Variants in BTD observed in about 807,000 individuals in gnomAD.
The protein encoded by BTD is biotinidase.
BTD carries 13 observed loss-of-function variants against 17.7 expected under a neutral mutation model. The ratio of observed to expected loss-of-function variants is 0.74; its 90% confidence interval spans 0.48 to 1.17. The LOEUF (loss-of-function observed/expected upper bound fraction) is 1.17. Among genes scored for constraint, BTD ranks in the 50% most tolerant of loss-of-function variants. The probability of loss-of-function intolerance (pLI) is 0.00; values close to 1 mark genes in which losing one functional copy is unlikely to be tolerated. For synonymous variants in BTD, 240 were observed against 245.2 expected (o/e 0.98, Z 0.20); for missense variants, 674 against 650.4 (o/e 1.04, Z -0.39).
intron 1 of BTD, among the ~76,000 whole-genome samples, chr3:15,619,380 G>A (rs1346775101): frequency 6.6e-6 from 1 of 152,096 alleles, no homozygotes; most frequent in African/African-American, 2.4e-5. Context: ...GAGTGCAGTG[G>A]TACAAACACA....
At chr3:15,686,227 A>G in intron 3 of BTD, 1 of 1,591,416 alleles carries the variant, frequency 6.3e-7, no homozygotes, top group Non-Finnish European at 8.6e-7. Context: ...CTTACTGTCC[A>G]TTTCCATCTT....
At chr3:15,636,880 C>CA (rs2065363974) in intron 2 of BTD, among the ~76,000 whole-genome samples, 1 of 238 alleles carries the variant, frequency 4.2e-3, no homozygotes, top group East Asian at 0.083. Context: ...TCAACCAAGA[C>CA]AACTTTTGCA....
At chr3:15,661,290 A>G (rs1358470361) in intron 3 of BTD, among the ~76,000 whole-genome samples, 24 of 119,578 alleles carry the variant, frequency 2.0e-4, no homozygotes, top group African/African-American at 6.9e-4. Flanking sequence ...AAAAAAAAAA[A>G]AAAGAAAAAG....
chr3:15,603,336 C>G (rs2064336435), intron 1 of BTD, among the ~76,000 whole-genome samples: 1 of 152,180 alleles, frequency 6.6e-6, no homozygotes, highest in South Asian at 2.1e-4. Context: ...AAGGCAAGTC[C>G]CTTCCGCCTA....
At chr3:15,721,716 A>C (rs1278147459) in intron 4 of BTD, among the ~76,000 whole-genome samples, 1 of 152,214 alleles carries the variant, frequency 6.6e-6, no homozygotes, top group East Asian at 1.9e-4. Flanking sequence ...TATGCTCAAA[A>C]ATGAGAAACA....
intron 3 of BTD, chr3:15,677,346 T>C (rs1173998894): frequency 4.5e-6 from 3 of 667,178 alleles, no homozygotes; most frequent in African/African-American, 3.6e-5. Context: ...TAAGTCAATT[T>C]TGTTCAAGAA....
chr3:15,622,861 A>G (rs529799431), intron 1 of BTD, among the ~76,000 whole-genome samples: 83 of 152,314 alleles, frequency 5.4e-4, no homozygotes, highest in African/African-American at 1.9e-3. Flanking sequence ...AAATTTATGT[A>G]GCTATTCTTG....
chr3:15,685,662 G>T (rs2068025515), intron 3 of BTD, among the ~76,000 whole-genome samples: 1 of 152,048 alleles, frequency 6.6e-6, no homozygotes, highest in South Asian at 2.1e-4. Flanking sequence ...ATGAAAACAG[G>T]AAGAGAGAAA....
chr3:15,641,240 T>G (rs1431724774), intron 2 of BTD, among the ~76,000 whole-genome samples: 1 of 152,154 alleles, frequency 6.6e-6, no homozygotes, highest in African/African-American at 2.4e-5. Context: ...AATTCCCAGT[T>G]GGGGAATGGA....
At chr3:15,643,974 ATTTATTTATTT>A (rs1559598615) in intron 3 of BTD, among the ~76,000 whole-genome samples, 29 of 17,508 alleles carry the variant, frequency 1.7e-3, no homozygotes, top group East Asian at 0.013. Context: ...TATTTAATTT[ATTTATTTATTT>A]ATTTATTTAT....
chr3:15,685,989 T>C (rs199522880), intron 3 of BTD: 31 of 1,605,730 alleles, frequency 1.9e-5, no homozygotes, highest in Non-Finnish European at 2.5e-5. Context: ...GGAAAGAGCA[T>C]ATTTCTGCTT....
At chr3:15,713,411 A>T (rs537226074), downstream of BTD, 1 of 750,794 alleles carries the variant, frequency 1.3e-6, no homozygotes, top group African/African-American at 1.8e-5. Flanking sequence ...AGTTCAAGCA[A>T]TTAATACAAC....
At chr3:15,678,988 G>C (rs1300324266) in intron 3 of BTD, among the ~76,000 whole-genome samples, 1 of 152,162 alleles carries the variant, frequency 6.6e-6, no homozygotes, top group East Asian at 1.9e-4. Flanking sequence ...TTGGGGGGTA[G>C]GGCCCAGACG....
chr3:15,619,838 G>A (rs1344102550), intron 1 of BTD, among the ~76,000 whole-genome samples: 1 of 152,212 alleles, frequency 6.6e-6, no homozygotes, highest in South Asian at 2.1e-4. Context: ...GCCGCCAGGG[G>A]TGACATCACA....
intron 3 of BTD, chr3:15,678,170 C>T (rs1046644920): frequency 3.2e-6 from 5 of 1,558,104 alleles, no homozygotes; most frequent in Non-Finnish European, 4.3e-6. Flanking sequence ...AAGTGATACA[C>T]ATACTTAGGA....
In BTD at chr3:15,676,090, C is replaced by T. The variant is rs933570140; in HGVS notation, c.400-33970C>T. The T allele has an allele frequency of 1.1e-5, 10 of 916,726 alleles. No homozygotes were observed. The African/African-American group carries it at 1.7e-4, about 15-fold the overall frequency. The allele number at this position is 916,726 out of a possible 1,614,324, so 56.8% of individuals were successfully genotyped here. ...GAGCATTTTTGTCAACTTGTGAAGA[C>T]CAAGAGGTACAAACTCGAGAAACCT... is the stretch of plus-strand genomic sequence containing the variant. On this transcript the variant is annotated intron_variant, in intron 3 of 3. Transcript: ENST00000672141.
chr3:15,670,489 G>A, intron 3 of BTD: 1 of 1,613,926 alleles, frequency 6.2e-7, no homozygotes, highest in Non-Finnish European at 8.5e-7. Flanking sequence ...GCATCATGGT[G>A]GCCAAAATGA....
chr3:15,657,453 A>G (rs1236804581), downstream of BTD, among the ~76,000 whole-genome samples: 1 of 152,212 alleles, frequency 6.6e-6, no homozygotes, highest in African/African-American at 2.4e-5. Context: ...AGATGAAGAA[A>G]CTGAGACACA....
chr3:15,601,667 C>T (rs2064247122), upstream of BTD: 1 of 1,553,826 alleles, frequency 6.4e-7, no homozygotes, highest in Non-Finnish European at 8.7e-7. Flanking sequence ...TAAACACGCG[C>T]GTTCTCCAAT....
Sources: gnomAD v4.1 joint callset for allele counts (sites outside exome capture counted in the v4.1 genomes callset) on GRCh38, gnomAD v4.1.1 for gene constraint, MANE v1.5 for transcripts, NCBI Gene and HGNC (gene_info 2026-07-23, HGNC 2026-07-21) for gene names.